Variants in RBBP4 observed in about 807,000 individuals in gnomAD.
RBBP4 encodes RB binding protein 4, chromatin remodeling factor, also known as histone-binding protein RBBP4.
Under a neutral mutation model 57.2 loss-of-function variants are expected in RBBP4, and 3 were observed. The ratio of observed to expected loss-of-function variants is 0.05; its 90% CI spans 0.02 to 0.14. RBBP4 has a LOEUF of 0.14. Among genes scored for constraint, RBBP4 ranks in the 10% least tolerant of loss-of-function variants. RBBP4 has a pLI of 1.00. For missense variants in RBBP4, 107 were observed against 520.6 expected, an observed-to-expected ratio of 0.21 and a Z score of 7.73; for synonymous variants, 151 against 171.5, an observed-to-expected ratio of 0.88 and a Z score of 0.93.
At chr1:32,657,316 C>T in intron 2 of RBBP4, 111 bp from the exon 3 acceptor site, 2 of 1,040,852 alleles carry the variant, frequency 1.9e-6, no homozygotes, top group Non-Finnish European at 2.8e-6. Flanking sequence ...TGACTTTTTC[C>T]CCTCTCTTAA....
rs543177557 is a variant in RBBP4 at position 32,680,925 on chromosome 1, C to A, written c.*1220C>A. On this transcript the variant is annotated 3_prime_UTR_variant, in exon 12 of 12. Transcript: ENST00000373493. The stretch of plus-strand genomic sequence containing the variant: ...ATCTGTAGAGAACTACATGGACTTC[C>A]AAGAGTGTCAAAGGCAGTGTGGTAG... The A allele has an allele frequency of 6.0e-4, 112 of 186,798 alleles. No homozygotes were observed. Among genetic ancestry groups the A allele is most frequent in the Non-Finnish European group, 1.0e-3 (94 of 91,236 alleles). The allele number at this position is 186,798 out of a possible 1,614,324, so 11.6% of individuals were successfully genotyped here. A position where few individuals can be genotyped will look rare whatever the true frequency, so the allele number is the denominator to read the frequency against.
intron 1 of RBBP4, 147 bp downstream of exon 1, chr1:32,651,469 G>T: frequency 7.3e-7 from 1 of 1,366,170 alleles, no homozygotes; most frequent in Non-Finnish European, 9.5e-7. Context: ...CCCGCGGGGC[G>T]TGCTAACGGC....
At chr1:32,671,171 T>TA (rs2148528106) in intron 8 of RBBP4, among the ~76,000 whole-genome samples, 1 of 152,350 alleles carries the variant, frequency 6.6e-6, no homozygotes, top group East Asian at 1.9e-4. Flanking sequence ...GACTTATATG[T>TA]AATACAGAAC....
chr1:32,674,186 G>A (rs975092442), intron 11 of RBBP4, among the ~76,000 whole-genome samples: 3 of 152,152 alleles, frequency 2.0e-5, no homozygotes, highest in Non-Finnish European at 2.9e-5. Flanking sequence ...CCACTGAACT[G>A]TACACTTAAA....
chr1:32,666,111 G>A (rs1648635788), intron 3 of RBBP4, among the ~76,000 whole-genome samples: 1 of 152,178 alleles, frequency 6.6e-6, no homozygotes, highest in South Asian at 2.1e-4. Flanking sequence ...GCATGTGTAA[G>A]TGGGTGTAGC....
At chr1:32,676,442 T>TA (rs71571720) in intron 11 of RBBP4, among the ~76,000 whole-genome samples, 17 of 151,646 alleles carry the variant, frequency 1.1e-4, no homozygotes, top group Non-Finnish European at 1.9e-4. Flanking sequence ...CCATCTCTAC[T>TA]AAAAAATAAA....
Position 32,655,257 on chromosome 1 carries a change from A to G in RBBP4, c.165-2170A>G, listed in dbSNP as rs956201483. ...CTCCCAAAGTGCTGGGATTACAGACATGAGCCACCGTGCCTGGCCCTGTTT... is the reference window on the plus strand; with the variant it reads ...CTCCCAAAGTGCTGGGATTACAGACGTGAGCCACCGTGCCTGGCCCTGTTT... On this transcript the variant is annotated intron_variant, in intron 2 of 11. Coordinates refer to ENST00000373493, the MANE Select transcript of RBBP4 (RefSeq NM_005610.3). Among the ~76,000 whole-genome samples the G allele has an allele frequency of 2.1e-4, 32 of 152,252 alleles. No homozygotes were observed. In the South Asian group the frequency reaches 6.4e-3, roughly 31 times the overall value.
chr1:32,651,356 G>A, intron 1 of RBBP4, 34 bp downstream of exon 1: 2 of 1,437,054 alleles, frequency 1.4e-6, no homozygotes, highest in Non-Finnish European at 1.8e-6. Context: ...GGAGGGCAGT[G>A]GGTGCCTGGG....
chr1:32,659,424 G>A (rs951748333), intron 3 of RBBP4, among the ~76,000 whole-genome samples: 22 of 151,924 alleles, frequency 1.4e-4, no homozygotes, highest in African/African-American at 4.6e-4. Context: ...GCCATGTGCA[G>A]TGGCACGCAC....
chr1:32,657,612 T>A (rs770002104), intron 3 of RBBP4, 40 bp downstream of exon 3: 61 of 1,598,018 alleles, frequency 3.8e-5, no homozygotes, highest in Admixed American at 1.9e-4. Context: ...GATGTGTGGG[T>A]CATATCTGTT....
chr1:32,667,916 G>A (rs1648724057), intron 3 of RBBP4, among the ~76,000 whole-genome samples: 1 of 152,108 alleles, frequency 6.6e-6, no homozygotes, highest in Non-Finnish European at 1.5e-5. Flanking sequence ...ATAATGATGA[G>A]GGGGAAATCT....
chr1:32,656,723 G>T (rs1053821209), intron 2 of RBBP4, among the ~76,000 whole-genome samples: 1 of 152,166 alleles, frequency 6.6e-6, no homozygotes, highest in Non-Finnish European at 1.5e-5. Flanking sequence ...TTGGAGCGAT[G>T]TGTCCATTGA....
At chr1:32,672,421 T>A in intron 8 of RBBP4, 29 bp from the exon 9 acceptor site, 1 of 1,502,520 alleles carries the variant, frequency 6.7e-7, no homozygotes, top group South Asian at 1.2e-5. Flanking sequence ...AATTCATGGC[T>A]TTGCTCTTTT....
intron 11 of RBBP4, chr1:32,673,572 G>A (rs1330364301): frequency 2.8e-6 from 1 of 356,002 alleles, no homozygotes; most frequent in Admixed American, 3.9e-5. Context: ...TGAGTAGCTG[G>A]GACTATAGGT....
chr1:32,665,776 G>C (rs926114541), intron 3 of RBBP4, among the ~76,000 whole-genome samples: 1 of 151,598 alleles, frequency 6.6e-6, no homozygotes, highest in African/African-American at 2.4e-5. Flanking sequence ...TTGTGGATAA[G>C]GTATTTGATG....
intron 1 of RBBP4, 154 bp downstream of exon 1, chr1:32,651,476 C>G: frequency 6.6e-6 from 9 of 1,365,870 alleles, no homozygotes; most frequent in Non-Finnish European, 7.6e-6. Flanking sequence ...GGCGTGCTAA[C>G]GGCTCGCCAG....
chr1:32,670,689 C>A (rs1173859983), intron 8 of RBBP4, among the ~76,000 whole-genome samples: 3 of 152,174 alleles, frequency 2.0e-5, no homozygotes, highest in African/African-American at 7.2e-5. Context: ...TCTCCTGCCT[C>A]AGCCTCCCAA....
chr1:32,663,461 A>G (rs529684863), intron 3 of RBBP4, among the ~76,000 whole-genome samples: 18 of 152,186 alleles, frequency 1.2e-4, no homozygotes, highest in African/African-American at 4.1e-4. Flanking sequence ...ATTTTTTCAG[A>G]CAGGGTCTTA....
intron 3 of RBBP4, among the ~76,000 whole-genome samples, chr1:32,660,964 C>T (rs989442166): frequency 3.9e-5 from 6 of 152,124 alleles, no homozygotes; most frequent in Non-Finnish European, 8.8e-5. Context: ...CATGCGCCAC[C>T]ATGCCCAGCT....
Sources: allele counts gnomAD v4.1 joint callset (sites outside exome capture counted in the v4.1 genomes callset), GRCh38; gene constraint gnomAD v4.1.1; transcripts MANE v1.5; gene names NCBI Gene and HGNC (gene_info 2026-07-23, HGNC 2026-07-21).